The following PLXNB1 variants were observed in gnomAD, a reference collection of about 807,000 sequenced individuals.
The protein encoded by PLXNB1 is plexin B1, also known as plexin-B1.
A neutral mutation model predicts 209.4 loss-of-function variants in PLXNB1; 106 were observed. That is an observed-to-expected ratio of 0.51 (90% CI 0.43 to 0.59). PLXNB1 has a LOEUF of 0.59. PLXNB1 is among the 20% of genes least tolerant of loss of function. The pLI is 0.00. For missense variants in PLXNB1, 2,357 were observed against 2,853.2 expected (o/e 0.83, Z 3.96); for synonymous variants, 1,167 against 1,183.2 (o/e 0.99, Z 0.28).
Position 48,413,784 on chromosome 3 carries a change from T to C in PLXNB1, c.4421A>G (p.His1474Arg), listed in dbSNP as rs2037864754. 4 of 1,613,842 alleles carry C rather than the reference T, an allele frequency of 2.5e-6. No individual in the cohort carries two copies. The South Asian group carries it at 3.3e-5, about 13-fold the overall frequency. The change falls in exon 23 of 38, where the codon CAC (histidine) becomes CGC (arginine). Residue 1474 changes from histidine (H) to arginine (R), a missense_variant. His to Arg is a conservative substitution (Grantham distance 29, BLOSUM62 0). Transcript: ENST00000296440. The surrounding 1 kb of genome is among the most constrained non-coding windows in gnomAD (Gnocchi z 5.4). ...AGGGCTCTCGCCGTCATACTGCACGTGACCCAGGGAGAAGCGCAAGTTCCC... is the reference window on the plus strand; with the variant it reads ...AGGGCTCTCGCCGTCATACTGCACGCGACCCAGGGAGAAGCGCAAGTTCCC... ...QMGNLRFSLG[H>R]VQYDGESPGA... is the part of the protein sequence containing the mutation.
Position 48,423,784 on chromosome 3 carries a change from G to T in PLXNB1, c.828C>A (p.Ile276=), listed in dbSNP as rs1163445726. 4 of 1,613,850 alleles carry T rather than the reference G, an allele frequency of 2.5e-6. No individual in the cohort carries two copies. Among genetic ancestry groups the T allele is most frequent in the East Asian group, 2.2e-5 (1 of 44,886 alleles). ...TGGACGTGGCCACAGCTGCAGCCTGGATCAGCCCGTAGCGGCCACCTTCGC... is the reference window on the plus strand; with the variant it reads ...TGGACGTGGCCACAGCTGCAGCCTGTATCAGCCCGTAGCGGCCACCTTCGC... The part of the protein sequence containing the change: ...LACEGGRYGL[I]QAAAVATSRE... The change falls in exon 3 of 38, where the codon ATC becomes ATA. Residue 276 remains isoleucine (I), a synonymous_variant. Coordinates refer to ENST00000296440, the MANE Select transcript of PLXNB1 (RefSeq NM_001130082.3).
At position 48,415,935 on chromosome 3, in the gene PLXNB1, G is replaced by T; in HGVS notation, c.3617+96C>A. 7.0e-7 allele frequency: 1 copy of T among 1,435,718 alleles called. No individual in the cohort carries two copies. The highest frequency in any genetic ancestry group is 2.5e-5 in the East Asian group (1 of 40,156). 88.9% of individuals were successfully genotyped at this position (1,435,718 alleles called of 1,614,324 possible). On this transcript the variant is annotated intron_variant, in intron 18 of 37. Coordinates refer to ENST00000296440, the MANE Select transcript of PLXNB1 (RefSeq NM_001130082.3). This position sits in a 1 kb window ranked among gnomAD's most constrained non-coding sequence, Gnocchi z 5.0. The stretch of plus-strand genomic sequence containing the variant: ...GGCCACTCTCTGAAGGAGCAGACTG[G>T]CCCTCTTCCCCTTTCTGCTCTCCCC...
In PLXNB1 at chr3:48,420,960, C is replaced by T. The variant is rs763494438; in HGVS notation, c.1811-4G>A. On this transcript the variant is annotated splice_region_variant and splice_polypyrimidine_tract_variant and intron_variant, in intron 8 of 37. Coordinates refer to ENST00000296440, the MANE Select transcript of PLXNB1 (RefSeq NM_001130082.3). ...TCCACGCTCACGGATACGTAGTCTG[C>T]AGAGGGGGAGAGAGGGCCAGGGTTA... 6.2e-7 allele frequency: 1 copy of T among 1,610,096 alleles called. No homozygotes were observed. The highest frequency in any genetic ancestry group is 8.5e-7 in the Non-Finnish European group (1 of 1,176,706).
rs35798367 is a variant in PLXNB1 at position 48,423,993 on chromosome 3, C to A, written c.619G>T (p.Ala207Ser). The A allele has an allele frequency of 9.3e-6, 15 of 1,613,078 alleles. No individual in the cohort carries two copies. In the African/African-American group the frequency reaches 1.9e-4, roughly 20 times the overall value. Residue 207 changes from alanine (A) to serine (S), a missense_variant, in exon 3 of 38, where the codon GCA becomes TCA. Physicochemically the swap from Ala to Ser is moderately conservative, Grantham distance 99. Transcript: ENST00000296440. ...AFSYEETAKLAVGRLSEYSHH... is the reference protein window; with the variant it reads ...AFSYEETAKLSVGRLSEYSHH... The stretch of plus-strand genomic sequence containing the variant: ...CTGTACTCGGAGAGGCGGCCCACTG[C>A]CAGCTTGGCTGTCTCCTCATAGGAG...
At chr3:48,412,215 C>A in intron 27 of PLXNB1, 23 bp downstream of exon 27, 1 of 1,612,362 alleles carries the variant, frequency 6.2e-7, no homozygotes, top group Non-Finnish European at 8.5e-7. Flanking sequence ...GGACAGGAGC[C>A]CTGTCCACCT....
chr3:48,423,326 A>T (rs986448583), intron 3 of PLXNB1, among the ~76,000 whole-genome samples, 179 bp downstream of exon 3: 1 of 152,206 alleles, frequency 6.6e-6, no homozygotes. Context: ...CGCATGCCAG[A>T]TTTGTGGTAA....
At position 48,409,255 on chromosome 3, in the gene PLXNB1, G is replaced by T; in HGVS notation, c.6087+74C>A. On this transcript the variant is annotated intron_variant, in intron 34 of 37. Coordinates refer to ENST00000296440, the MANE Select transcript of PLXNB1 (RefSeq NM_001130082.3). This position sits in a 1 kb window ranked among gnomAD's most constrained non-coding sequence, Gnocchi z 5.8. ...AGCCCTCCTTGAAGTTCTCAGAAAA[G>T]CCTGGAATCTGAGTGCACACACAGC... 6.4e-7 allele frequency: 1 copy of T among 1,550,438 alleles called. No homozygotes were observed. Among genetic ancestry groups the T allele is most frequent in the Non-Finnish European group, 8.8e-7 (1 of 1,137,236 alleles).
Position 48,429,485 on chromosome 3 carries a change from C to T in PLXNB1, c.-60+523G>A, listed in dbSNP as rs1365478395. ...GGGCTCGTCTCCGCTCCTTCCCCCT[C>T]GCCTGCCGGGCTGCCCTCCCCCCGC... On this transcript the variant is annotated intron_variant, in intron 1 of 37. Coordinates refer to ENST00000296440, the MANE Select transcript of PLXNB1 (RefSeq NM_001130082.3). The surrounding 1 kb of genome is among the most constrained non-coding windows in gnomAD (Gnocchi z 6.4). 6.6e-6 allele frequency: 1 copy of T among 151,382 alleles called. No homozygotes were observed. The highest frequency in any genetic ancestry group is 6.6e-5 in the Admixed American group (1 of 15,194). The allele number at this position is 151,382 out of a possible 1,614,324, so 9.4% of individuals were successfully genotyped here.
At chr3:48,425,835 CAG>C (rs71074245) in intron 1 of PLXNB1, among the ~76,000 whole-genome samples, 2,324 of 148,674 alleles carry the variant, frequency 0.016, 41 homozygotes, top group African/African-American at 0.045. Flanking sequence ...CACACACACA[CAG>C]AGAGAGAGAG....
chr3:48,419,554 C>G lies in PLXNB1; in HGVS notation c.2709+23G>C, dbSNP rs1575401481. Reference sequence around the variant, plus strand: ...TTCCCCACATCCCCTCCCCTGAGGCCTCCTTCCTGGGCTGGGCCTCACCAG... The same window carrying G: ...TTCCCCACATCCCCTCCCCTGAGGCGTCCTTCCTGGGCTGGGCCTCACCAG... On this transcript the variant is annotated intron_variant, in intron 11 of 37. Coordinates refer to ENST00000296440, the MANE Select transcript of PLXNB1 (RefSeq NM_001130082.3). The surrounding 1 kb of genome is among the most constrained non-coding windows in gnomAD (Gnocchi z 5.7). 1 of 1,588,434 alleles carries G rather than the reference C, an allele frequency of 6.3e-7. No homozygotes were observed. The highest frequency in any genetic ancestry group is 1.3e-5 in the African/African-American group (1 of 74,608).
rs947578424 is a variant in PLXNB1, at chr3:48,428,596, G to C, written c.-60+1412C>G. 4.6e-5 allele frequency among the ~76,000 whole-genome samples: 7 copies of C among 152,206 alleles called. No homozygotes were observed. The East Asian group carries it at 9.6e-4, about 21-fold the overall frequency. On this transcript the variant is annotated intron_variant, in intron 1 of 37. Transcript: ENST00000296440. ...CCACATTTGCCTTGCCTGCCAGTTAGTGGGAAACCGGCCTTCCCGTTTCAC... is the reference window on the plus strand; with the variant it reads ...CCACATTTGCCTTGCCTGCCAGTTACTGGGAAACCGGCCTTCCCGTTTCAC...
chr3:48,420,109 G>T lies in PLXNB1; in HGVS notation c.2177C>A (p.Pro726His). 1 of 1,613,404 alleles carries T rather than the reference G, an allele frequency of 6.2e-7. No individual in the cohort carries two copies. Among genetic ancestry groups the T allele is most frequent in the Non-Finnish European group, 8.5e-7 (1 of 1,179,876 alleles). The change falls in exon 11 of 38, where the codon CCT becomes CAT. Residue 726 changes from proline (P) to histidine (H), a missense_variant. Physicochemically the swap from Pro to His is moderately conservative, Grantham distance 77. Coordinates refer to ENST00000296440, the MANE Select transcript of PLXNB1 (RefSeq NM_001130082.3). Reference sequence around the variant, plus strand: ...GCTGAGCAGGGAAGGACTAGCCCCAGGTGAGATGTCCGAAGCTGTGGCTGT... The same window carrying T: ...GCTGAGCAGGGAAGGACTAGCCCCATGTGAGATGTCCGAAGCTGTGGCTGT... The part of the protein sequence containing the change: ...PSTATASDIS[P>H]GASPSLLSPW...
chr3:48,412,340 A>C, intron 26 of PLXNB1, 36 bp from the exon 27 acceptor site: 1 of 1,613,252 alleles, frequency 6.2e-7, no homozygotes, highest in Non-Finnish European at 8.5e-7. Context: ...CAGGGTCAGC[A>C]GGTGGGGCTG....
rs371804692 is a variant in PLXNB1, at chr3:48,419,702, C to T, written c.2584G>A (p.Ala862Thr). 24 of 1,612,154 alleles carry T rather than the reference C, an allele frequency of 1.5e-5. No individual in the cohort carries two copies. The highest frequency in any genetic ancestry group is 1.9e-5 in the Non-Finnish European group (22 of 1,179,806). The change falls in exon 11 of 38, where the codon GCC becomes ACC. Residue 862 changes from alanine to threonine, a missense_variant. Transcript: ENST00000296440. The surrounding 1 kb of genome is among the most constrained non-coding windows in gnomAD (Gnocchi z 5.7). ...ADEWTGGDAPAFSTSTLLSGD... is the reference protein window; with the variant it reads ...ADEWTGGDAPTFSTSTLLSGD... ...GAGAGGAGGGTGGAAGTGGAGAAGG[C>T]GGGTGCGTCACCCCCCGTCCACTCG...
Position 48,404,424 on chromosome 3 carries a change from T to C in PLXNB1, c.*62A>G. ...AGGCACCTAAGAAGGTGGCCTCTCC[T>C]CCGAGCTTCCAGGGCTGCCCAGGCC... On this transcript the variant is annotated 3_prime_UTR_variant, in exon 38 of 38. Coordinates refer to ENST00000296440, the MANE Select transcript of PLXNB1 (RefSeq NM_001130082.3). 1 of 1,109,940 alleles carries C rather than the reference T, an allele frequency of 9.0e-7. No individual in the cohort carries two copies. Among genetic ancestry groups the C allele is most frequent in the South Asian group, 1.4e-5 (1 of 73,276 alleles). The allele number at this position is 1,109,940 out of a possible 1,614,324, so 68.8% of individuals were successfully genotyped here.
rs1008857915 is a variant in PLXNB1, at chr3:48,429,062, A to G, written c.-60+946T>C. ...CGCGGAGGAGCAGCTCCACCTCCTC[A>G]GTCTCCCAATCGCGTTCCAGGCGGA... On this transcript the variant is annotated intron_variant, in intron 1 of 37. Coordinates refer to ENST00000296440, the MANE Select transcript of PLXNB1 (RefSeq NM_001130082.3). This position sits in a 1 kb window ranked among gnomAD's most constrained non-coding sequence, Gnocchi z 6.4. 6.6e-6 allele frequency among the ~76,000 whole-genome samples: 1 copy of G among 152,182 alleles called. No homozygotes were observed. Among genetic ancestry groups the G allele is most frequent in the Non-Finnish European group, 1.5e-5 (1 of 68,030 alleles).
chr3:48,425,827 CACACACACAGAG>C (rs756822072), intron 1 of PLXNB1, among the ~76,000 whole-genome samples: 3 of 149,162 alleles, frequency 2.0e-5, no homozygotes, highest in African/African-American at 7.7e-5. Context: ...CACACACACA[CACACACACAGAG>C]AGAGAGAGAT....
chr3:48,407,793 G>A (rs1197914096), intron 34 of PLXNB1, among the ~76,000 whole-genome samples: 1 of 152,180 alleles, frequency 6.6e-6, no homozygotes, highest in Non-Finnish European at 1.5e-5. Context: ...GACTACTCCT[G>A]AGCTACCCAG....
chr3:48,424,210 T>C lies in PLXNB1; in HGVS notation c.402A>G (p.Pro134=), dbSNP rs1381071190. The C allele has an allele frequency of 1.3e-6, 2 of 1,599,144 alleles. No homozygotes were observed. Among genetic ancestry groups the C allele is most frequent in the South Asian group, 2.2e-5 (2 of 89,658 alleles). The change falls in exon 3 of 38, where the codon CCA becomes CCG. Residue 134 remains proline, a synonymous_variant. Transcript: ENST00000296440. The part of the protein sequence containing the change: ...LGQLEQLLLR[P]ERPGDTQYVA... ...CATATTGTGTGTCCCCAGGCCGCTC[T>C]GGCCGCAGCAGCAGCTGCTCGAGCT...
Sources: allele counts gnomAD v4.1 joint callset (sites outside exome capture counted in the v4.1 genomes callset), GRCh38; gene constraint gnomAD v4.1.1; non-coding constraint Gnocchi (gnomAD v3.1); transcripts MANE v1.5; gene names NCBI Gene and HGNC (gene_info 2026-07-23, HGNC 2026-07-21).